Variants in ARID1B observed in about 807,000 individuals in gnomAD.
ARID1B encodes the protein AT-rich interaction domain 1B.
ARID1B carries 30 observed loss-of-function variants against 212.3 expected under a neutral mutation model. The observed-to-expected ratio is 0.14, with a 90% confidence interval of 0.11 to 0.19. The LOEUF is 0.19. Ranked by LOEUF, ARID1B falls within the 10% of genes least tolerant of loss-of-function variation. The pLI is 1.00. For synonymous variants in ARID1B, 1,402 were observed against 1,301.7 expected (o/e 1.08, Z -1.66); for missense variants, 2,891 against 3,204.0 (o/e 0.90, Z 2.36).
intron 4 of ARID1B, among the ~76,000 whole-genome samples, chr6:157,002,625 T>C (rs1290494516): frequency 2.0e-5 from 3 of 152,244 alleles, no homozygotes; most frequent in Non-Finnish European, 2.9e-5. Flanking sequence ...AACATTAAAA[T>C]AATTTCTTAG....
rs1583368888 is a variant in ARID1B, at chr6:157,133,146, C to T, written c.2700C>T (p.Ser900=). ...PGGQMHAGIS[S]FQQSNSSGTY... is the part of the protein sequence containing the mutation. ...GCCAGATGCATGCTGGAATCAGTAG[C>T]TTTCAGCAGAGTAACTCAAGTGGGA... The change falls in exon 7 of 20, where the codon AGC becomes AGT. Residue 900 remains serine, a synonymous_variant. Coordinates refer to ENST00000636930, the MANE Select transcript of ARID1B (RefSeq NM_001374828.1). The T allele has an allele frequency of 6.2e-7, 1 of 1,614,162 alleles. No homozygotes were observed. The highest frequency in any genetic ancestry group is 2.2e-5 in the East Asian group (1 of 44,884).
At chr6:157,092,384 T>C (rs1409855390) in intron 5 of ARID1B, among the ~76,000 whole-genome samples, 1 of 152,244 alleles carries the variant, frequency 6.6e-6, no homozygotes, top group East Asian at 1.9e-4. Context: ...AGCAAGTCCA[T>C]GGGTCATGAA....
chr6:157,202,649 TACACACAC>T (rs754115969), intron 18 of ARID1B, among the ~76,000 whole-genome samples: 2 of 150,138 alleles, frequency 1.3e-5, no homozygotes, highest in Non-Finnish European at 3.0e-5. Context: ...TGCCACTGTA[TACACACAC>T]ACACACACAC....
At chr6:157,149,163 TGTGAGCG>T (rs1790020313) in intron 8 of ARID1B, 1 of 588,954 alleles carries the variant, frequency 1.7e-6, no homozygotes, top group African/African-American at 1.9e-5. Flanking sequence ...GAGGAAGGAA[TGTGAGCG>T]GTGAGCACAT....
intron 2 of ARID1B, among the ~76,000 whole-genome samples, chr6:156,877,294 C>T (rs1348465555): frequency 6.6e-6 from 1 of 152,168 alleles, no homozygotes; most frequent in African/African-American, 2.4e-5. Flanking sequence ...CTGTTCACCC[C>T]TATTGCTCTC....
intron 5 of ARID1B, among the ~76,000 whole-genome samples, chr6:157,106,732 G>A (rs1332412468): frequency 6.6e-6 from 1 of 152,210 alleles, no homozygotes; most frequent in African/African-American, 2.4e-5. Flanking sequence ...GTGGAGAGGA[G>A]GGGATTACTC....
rs376166140 is a variant in ARID1B, at chr6:156,960,151, G to A, written c.2247+24575G>A. 1.6e-3 allele frequency among the ~76,000 whole-genome samples: 237 copies of A among 151,702 alleles called. 1 individual carries two copies. The highest frequency in any genetic ancestry group is 5.1e-3 in the African/African-American group (212 of 41,362). The stretch of plus-strand genomic sequence containing the variant: ...TCACCGTGTAGGTCAGGCTGGTCTC[G>A]AACTACTGACCTCGTGATCTGCCCA... On this transcript the variant is annotated intron_variant, in intron 4 of 19. Coordinates refer to ENST00000636930, the MANE Select transcript of ARID1B (RefSeq NM_001374828.1).
At chr6:157,120,647 T>C (rs1207591094) in intron 6 of ARID1B, among the ~76,000 whole-genome samples, 1 of 152,216 alleles carries the variant, frequency 6.6e-6, no homozygotes, top group Non-Finnish European at 1.5e-5. Flanking sequence ...CTGCCTGTCT[T>C]TCTGGGTGGA....
At chr6:156,868,342 ACCT>A (rs1280098960) in intron 2 of ARID1B, among the ~76,000 whole-genome samples, 1 of 152,168 alleles carries the variant, frequency 6.6e-6, no homozygotes. Context: ...AAGGATTTAA[ACCT>A]CCTGTGATAA....
intron 4 of ARID1B, among the ~76,000 whole-genome samples, chr6:157,038,936 C>T (rs779898287): frequency 1.4e-4 from 21 of 151,972 alleles, no homozygotes; most frequent in Non-Finnish European, 2.9e-4. Flanking sequence ...CTGGGTCTCA[C>T]TCTGTTGCCC....
chr6:156,810,561 A>G (rs139567963), intron 1 of ARID1B, among the ~76,000 whole-genome samples: 2 of 152,354 alleles, frequency 1.3e-5, no homozygotes, highest in African/African-American at 4.8e-5. Flanking sequence ...GACAATGGCA[A>G]CCAAACCTTC....
intron 2 of ARID1B, among the ~76,000 whole-genome samples, chr6:156,855,373 G>A (rs1784842236): frequency 6.6e-6 from 1 of 152,190 alleles, no homozygotes; most frequent in Non-Finnish European, 1.5e-5. Context: ...TGTACCTTCT[G>A]CACAGGGTTC....
At chr6:156,912,647 G>T (rs1342548530) in intron 3 of ARID1B, among the ~76,000 whole-genome samples, 1 of 152,140 alleles carries the variant, frequency 6.6e-6, no homozygotes, top group African/African-American at 2.4e-5. Context: ...TTTCATTGAA[G>T]AAATCAACAC....
chr6:156,790,796 A>G (rs1161107737), intron 1 of ARID1B, among the ~76,000 whole-genome samples: 4 of 152,130 alleles, frequency 2.6e-5, no homozygotes, highest in East Asian at 1.9e-4. Context: ...ACCCATGTCT[A>G]TTGTATATGG....
chr6:156,918,415 C>CA (rs1314163632), intron 3 of ARID1B, among the ~76,000 whole-genome samples: 1 of 151,712 alleles, frequency 6.6e-6, no homozygotes. Context: ...ATTATAAGAG[C>CA]AAAAAAACAA....
At chr6:156,976,768 G>C (rs550640368) in intron 4 of ARID1B, 1 of 533,790 alleles carries the variant, frequency 1.9e-6, no homozygotes, top group East Asian at 4.9e-5. Context: ...ATTCATCAAA[G>C]TTAGCGAGAC....
chr6:156,812,687 A>G (rs1180945579), intron 1 of ARID1B, among the ~76,000 whole-genome samples: 6 of 151,844 alleles, frequency 4.0e-5, no homozygotes, highest in Admixed American at 2.0e-4. Context: ...TTGTTTCTCA[A>G]TCCTTTCTAA....
In ARID1B at chr6:157,206,324, C is replaced by T; in HGVS notation, c.5552C>T (p.Ser1851Phe). Residue 1851 changes from serine to phenylalanine, a missense_variant, in exon 20 of 20, where the codon TCT (serine) becomes TTT (phenylalanine). Physicochemically the swap from Ser to Phe is radical, Grantham distance 155 (BLOSUM62 -2). This residue lies in a region of ARID1B where 332 missense variants were observed against 369.2 expected (regional missense o/e 0.90). Transcript: ENST00000636930. The surrounding 1 kb of genome is among the most constrained non-coding windows in gnomAD (Gnocchi z 6.8). ...KDDSQSLADD[S>F]GKEEEDAECI... ...GACAGCCAGTCCTTGGCAGACGATTCTGGGAAAGAGGAGGAAGATGCTGAA... is the reference window on the plus strand; with the variant it reads ...GACAGCCAGTCCTTGGCAGACGATTTTGGGAAAGAGGAGGAAGATGCTGAA... 1 of 1,614,126 alleles carries T rather than the reference C, an allele frequency of 6.2e-7. No individual in the cohort carries two copies. Among genetic ancestry groups the T allele is most frequent in the Non-Finnish European group, 8.5e-7 (1 of 1,180,038 alleles).
intron 13 of ARID1B, among the ~76,000 whole-genome samples, chr6:157,187,517 A>C (rs1182405041): frequency 6.6e-6 from 1 of 152,210 alleles, no homozygotes; most frequent in Non-Finnish European, 1.5e-5. Flanking sequence ...TACTTCGCTC[A>C]ACCCCGCCAG....
Sources: allele counts gnomAD v4.1 joint callset (sites outside exome capture counted in the v4.1 genomes callset), GRCh38; gene constraint gnomAD v4.1.1; regional missense constraint gnomAD v4.1.1; non-coding constraint Gnocchi (gnomAD v3.1); transcripts MANE v1.5; gene names NCBI Gene and HGNC (gene_info 2026-07-23, HGNC 2026-07-21).